The following MTMR7 variants were observed in gnomAD, a reference collection of about 807,000 sequenced individuals.
MTMR7 encodes myotubularin related protein 7.
MTMR7 carries 76 observed loss-of-function variants against 81.2 expected under a neutral mutation model. The observed-to-expected ratio is 0.94, with a 90% confidence interval of 0.78 to 1.13. MTMR7 has a LOEUF of 1.13. Among genes scored for constraint, MTMR7 ranks in the 50% most tolerant of loss-of-function variants. MTMR7 has a pLI of 0.00. For missense variants in MTMR7, 1,044 were observed against 820.0 expected (o/e 1.27, Z -3.34); for synonymous variants, 372 against 289.8 (o/e 1.28, Z -2.88).
At chr8:17,371,251 C>T (rs756920848) in intron 2 of MTMR7, 52 bp from the exon 3 acceptor site, 53 of 1,561,508 alleles carry the variant, frequency 3.4e-5, no homozygotes, top group Middle Eastern at 4.1e-4. Context: ...CTAATGAATA[C>T]GACAAGGACT....
At chr8:17,387,723 C>T (rs1040939582) in intron 1 of MTMR7, among the ~76,000 whole-genome samples, 5 of 152,100 alleles carry the variant, frequency 3.3e-5, no homozygotes, top group Admixed American at 6.5e-5. Context: ...AATTCCTATA[C>T]GTAAAATTAT....
intron 1 of MTMR7, among the ~76,000 whole-genome samples, chr8:17,396,134 A>T (rs999234174): frequency 6.6e-6 from 1 of 152,162 alleles, no homozygotes; most frequent in Non-Finnish European, 1.5e-5. Context: ...TATAAAAAAA[A>T]AAAAATTCCA....
At chr8:17,402,722 T>A (rs1325385607) in intron 1 of MTMR7, among the ~76,000 whole-genome samples, 1 of 152,340 alleles carries the variant, frequency 6.6e-6, no homozygotes, top group East Asian at 1.9e-4. Context: ...GCCATAAGCA[T>A]GGGAGCACAG....
chr8:17,304,465 G>A lies in MTMR7; in HGVS notation c.1407C>T (p.Asp469=). Residue 469 remains aspartate (D), a synonymous_variant, in exon 12 of 14, where the codon GAC becomes GAT. Transcript: ENST00000180173. The part of the protein sequence containing the change: ...LWAHLWKNRA[D]YLNPLFRADH... ...CAGCTCTAAACAGAGGATTCAGGTA[G>A]TCGGCCCGATTCTTCCACAGGTGAG... 1.2e-6 allele frequency: 2 copies of A among 1,614,024 alleles called. No homozygotes were observed. Among genetic ancestry groups the A allele is most frequent in the Non-Finnish European group, 1.7e-6 (2 of 1,179,946 alleles).
At chr8:17,360,231 CAT>C (rs1367611129) in intron 4 of MTMR7, among the ~76,000 whole-genome samples, 1 of 152,044 alleles carries the variant, frequency 6.6e-6, no homozygotes, top group African/African-American at 2.4e-5. Flanking sequence ...TGTGTGCAAA[CAT>C]AAAAAATTAA....
At chr8:17,348,757 CAAAT>C (rs544049015) in intron 5 of MTMR7, among the ~76,000 whole-genome samples, 192 bp downstream of exon 5, 74 of 152,072 alleles carry the variant, frequency 4.9e-4, no homozygotes, top group African/African-American at 1.2e-3. Flanking sequence ...ACATTACTGT[CAAAT>C]AAACATAGGA....
chr8:17,398,130 A>G (rs1341694245), intron 1 of MTMR7, among the ~76,000 whole-genome samples: 1 of 152,132 alleles, frequency 6.6e-6, no homozygotes, highest in Non-Finnish European at 1.5e-5. Context: ...TAACTCTTCA[A>G]TGCCCAGGTA....
At chr8:17,368,819 A>G (rs1030665076) in intron 3 of MTMR7, among the ~76,000 whole-genome samples, 3 of 152,200 alleles carry the variant, frequency 2.0e-5, no homozygotes, top group African/African-American at 7.2e-5. Flanking sequence ...CTCTTAGGTG[A>G]TGGCTTTGAT....
At chr8:17,331,744 T>C (rs1210850918) in intron 6 of MTMR7, among the ~76,000 whole-genome samples, 1 of 152,214 alleles carries the variant, frequency 6.6e-6, no homozygotes, top group Non-Finnish European at 1.5e-5. Flanking sequence ...CAAATAGGAA[T>C]GGTTGCATCA....
At chr8:17,330,759 A>G (rs2150529075) in intron 7 of MTMR7, among the ~76,000 whole-genome samples, 1 of 152,344 alleles carries the variant, frequency 6.6e-6, no homozygotes, top group Middle Eastern at 3.4e-3. Flanking sequence ...ATGGCCATTC[A>G]GCAAGGATCA....
chr8:17,301,641 G>T (rs1271183771), intron 13 of MTMR7: 1 of 153,766 alleles, frequency 6.5e-6, no homozygotes, highest in African/African-American at 2.4e-5. Context: ...TAGTACCATT[G>T]GAAACAAAGT....
At chr8:17,303,571 A>T (rs1817263038) in intron 12 of MTMR7, among the ~76,000 whole-genome samples, 1 of 151,526 alleles carries the variant, frequency 6.6e-6, no homozygotes, top group Non-Finnish European at 1.5e-5. Flanking sequence ...AACTTGTAGG[A>T]TGCCACCCTG....
chr8:17,373,360 A>G, intron 1 of MTMR7, 120 bp from the exon 2 acceptor site: 2 of 1,280,266 alleles, frequency 1.6e-6, no homozygotes, highest in Non-Finnish European at 2.1e-6. Flanking sequence ...AATTCCCCCA[A>G]TAATAAAAAC....
intron 3 of MTMR7, among the ~76,000 whole-genome samples, chr8:17,366,111 C>G (rs903917456): frequency 2.0e-5 from 3 of 152,180 alleles, no homozygotes; most frequent in Non-Finnish European, 2.9e-5. Flanking sequence ...TGCAAGACAT[C>G]AGGTACAAAC....
chr8:17,314,375 T>C (rs562071054), intron 7 of MTMR7, among the ~76,000 whole-genome samples: 2 of 152,312 alleles, frequency 1.3e-5, no homozygotes, highest in South Asian at 2.1e-4. Flanking sequence ...ATGAGCTGTG[T>C]AGTCTTGCAC....
At chr8:17,375,988 C>T (rs933190391) in intron 1 of MTMR7, among the ~76,000 whole-genome samples, 1 of 152,296 alleles carries the variant, frequency 6.6e-6, no homozygotes, top group South Asian at 2.1e-4. Context: ...ACTGTATACA[C>T]TGCCACTGTG....
At chr8:17,377,869 A>G (rs534168710) in intron 1 of MTMR7, among the ~76,000 whole-genome samples, 19 of 152,294 alleles carry the variant, frequency 1.2e-4, no homozygotes, top group Non-Finnish European at 1.5e-5. Flanking sequence ...TCTATTTTAA[A>G]GTAACTACGA....
intron 7 of MTMR7, among the ~76,000 whole-genome samples, chr8:17,318,098 G>A (rs998552718): frequency 1.3e-5 from 2 of 152,156 alleles, no homozygotes; most frequent in Non-Finnish European, 2.9e-5. Context: ...TCAGGATGAT[G>A]ATGGGAAGCC....
intron 4 of MTMR7, among the ~76,000 whole-genome samples, chr8:17,358,125 G>A (rs988599840): frequency 2.0e-5 from 3 of 151,902 alleles, no homozygotes; most frequent in Non-Finnish European, 2.9e-5. Context: ...GTATTTTACC[G>A]CAAAAAAGAT....
Sources: gnomAD v4.1 joint callset for allele counts (sites outside exome capture counted in the v4.1 genomes callset) on GRCh38, gnomAD v4.1.1 for gene constraint, MANE v1.5 for transcripts, NCBI Gene and HGNC (gene_info 2026-07-23, HGNC 2026-07-21) for gene names.